MAP3K5: variants seen among roughly 807,000 people sequenced by gnomAD.
MAP3K5 encodes mitogen-activated protein kinase kinase kinase 5, also known as ASK-1.
MAP3K5 carries 56 observed loss-of-function variants against 158.7 expected under a neutral mutation model. The observed-to-expected ratio is 0.35, with a 90% CI of 0.28 to 0.44. MAP3K5 has a LOEUF of 0.44. Among genes scored for constraint, MAP3K5 ranks in the 20% least tolerant of loss-of-function variants. The pLI, the probability that MAP3K5 is intolerant of heterozygous loss-of-function variation, is 1.00. For missense variants in MAP3K5, 1,294 were observed against 1,674.8 expected, an observed-to-expected ratio of 0.77 and a Z score of 3.97; for synonymous variants, 579 against 601.7, an observed-to-expected ratio of 0.96 and a Z score of 0.55.
intron 25 of MAP3K5, among the ~76,000 whole-genome samples, chr6:136,569,142 G>A (rs1477636449): frequency 6.6e-6 from 1 of 152,116 alleles, no homozygotes; most frequent in Non-Finnish European, 1.5e-5. Context: ...ATTCCAACCT[G>A]ACTCTAGTAT....
intron 13 of MAP3K5, among the ~76,000 whole-genome samples, chr6:136,639,115 G>A (rs1016632878): frequency 1.1e-4 from 17 of 152,044 alleles, no homozygotes; most frequent in Admixed American, 4.6e-4. Flanking sequence ...TCTGAGGTGG[G>A]GGCCATGCAT....
In MAP3K5 at chr6:136,612,990, T is replaced by C. The variant is rs921564077; in HGVS notation, c.2415+130A>G. On this transcript the variant is annotated intron_variant, in intron 17 of 29. Coordinates refer to ENST00000359015, the MANE Select transcript of MAP3K5 (RefSeq NM_005923.4). The stretch of plus-strand genomic sequence containing the variant: ...ATTCAGGGTTGAACGATATTTTATA[T>C]TTCTGCTGTTTCTAAGATTTACTTA... 2.7e-5 allele frequency: 23 copies of C among 845,116 alleles called. No individual in the cohort carries two copies. In the African/African-American group the frequency reaches 3.1e-4, roughly 11 times the overall value. The allele number at this position is 845,116 out of a possible 1,614,324, so 52.4% of individuals were successfully genotyped here. A position where few individuals can be genotyped will look rare whatever the true frequency, so the allele number is the denominator to read the frequency against.
At chr6:136,702,068 G>T (rs565471213) in intron 3 of MAP3K5, among the ~76,000 whole-genome samples, 81 of 152,254 alleles carry the variant, frequency 5.3e-4, no homozygotes, top group African/African-American at 1.9e-3. Context: ...AAACCCCATG[G>T]TATAAGGCTT....
chr6:136,750,585 C>T (rs892599094), intron 1 of MAP3K5, among the ~76,000 whole-genome samples: 3 of 152,104 alleles, frequency 2.0e-5, no homozygotes, highest in Admixed American at 6.5e-5. Context: ...GTCAAATTAC[C>T]GTTTCGACAA....
At chr6:136,579,117 CAT>C (rs1217621781) in intron 25 of MAP3K5, among the ~76,000 whole-genome samples, 6 of 151,836 alleles carry the variant, frequency 4.0e-5, no homozygotes, top group Non-Finnish European at 5.9e-5. Flanking sequence ...TACAATAGAA[CAT>C]GTTTCTAATT....
intron 1 of MAP3K5, among the ~76,000 whole-genome samples, chr6:136,726,029 T>A (rs918231258): frequency 6.6e-6 from 1 of 152,258 alleles, no homozygotes; most frequent in East Asian, 1.9e-4. Context: ...GTTTATCTTT[T>A]GTCAACACAA....
intron 7 of MAP3K5, among the ~76,000 whole-genome samples, chr6:136,688,729 C>T (rs1321668617): frequency 2.0e-5 from 3 of 152,136 alleles, no homozygotes; most frequent in African/African-American, 4.8e-5. Flanking sequence ...ATTTTGTTTT[C>T]AAATGGAAAA....
rs566678194 is a variant in MAP3K5 at position 136,629,733 on chromosome 6, T to C, written c.2017-6752A>G. ...TCTCCCAAAGTGCTGAGATTACAGG[T>C]GTGAGCCATGGCGCCCGGCCATATC... On this transcript the variant is annotated intron_variant, in intron 14 of 29. Transcript: ENST00000359015. 4.0e-5 allele frequency among the ~76,000 whole-genome samples: 6 copies of C among 151,266 alleles called. No individual in the cohort carries two copies. In the East Asian group the frequency reaches 1.2e-3, roughly 30 times the overall value.
chr6:136,585,009 T>C (rs1775055210), intron 23 of MAP3K5, among the ~76,000 whole-genome samples: 2 of 152,188 alleles, frequency 1.3e-5, no homozygotes, highest in African/African-American at 2.4e-5. Flanking sequence ...AATGAAGCAA[T>C]TGCTTCTAAG....
upstream of MAP3K5, chr6:136,792,518 G>T: frequency 2.9e-6 from 1 of 339,840 alleles, no homozygotes; most frequent in South Asian, 1.2e-4. This position sits in a 1 kb window ranked among gnomAD's most constrained non-coding sequence, Gnocchi z 5.7. Flanking sequence ...CGCCGCGCTC[G>T]GGGTGCAGCC....
intron 8 of MAP3K5, among the ~76,000 whole-genome samples, chr6:136,664,670 C>A (rs1202550557): frequency 6.6e-6 from 1 of 152,182 alleles, no homozygotes; most frequent in Non-Finnish European, 1.5e-5. Context: ...AGTTGCTGTA[C>A]ACTCGGCCGG....
At chr6:136,775,341 T>C (rs1231334642) in intron 1 of MAP3K5, among the ~76,000 whole-genome samples, 1 of 152,076 alleles carries the variant, frequency 6.6e-6, no homozygotes, top group Non-Finnish European at 1.5e-5. Flanking sequence ...CAATGACAAG[T>C]CTTGAAAAAA....
chr6:136,669,630 C>CG (rs1250917264), intron 7 of MAP3K5, among the ~76,000 whole-genome samples: 4 of 136,654 alleles, frequency 2.9e-5, no homozygotes, highest in Non-Finnish European at 3.2e-5. Context: ...TAACCCTAGT[C>CG]TTTAAAAAAA....
intron 2 of MAP3K5, among the ~76,000 whole-genome samples, chr6:136,712,355 G>T (rs1781344650): frequency 6.6e-6 from 1 of 151,182 alleles, no homozygotes; most frequent in African/African-American, 2.5e-5. Context: ...GCTAATTTTT[G>T]TAGAAACTGG....
intron 2 of MAP3K5, among the ~76,000 whole-genome samples, chr6:136,707,549 G>T (rs1173787359): frequency 6.8e-6 from 1 of 147,296 alleles, no homozygotes; most frequent in Non-Finnish European, 1.5e-5. Context: ...GTGAATTAAA[G>T]AGGTACTTGG....
intron 2 of MAP3K5, among the ~76,000 whole-genome samples, chr6:136,709,804 C>T (rs1781232924): frequency 6.6e-6 from 1 of 152,140 alleles, no homozygotes; most frequent in African/African-American, 2.4e-5. Flanking sequence ...TGATGGTGTG[C>T]ACCTGTAATC....
intron 21 of MAP3K5, among the ~76,000 whole-genome samples, chr6:136,597,283 G>A (rs775120709): frequency 1.3e-5 from 2 of 152,170 alleles, no homozygotes; most frequent in Non-Finnish European, 2.9e-5. Context: ...AGATTGCTGG[G>A]AGCTCCCATC....
At chr6:136,618,850 A>G (rs1776681220) in intron 15 of MAP3K5, among the ~76,000 whole-genome samples, 1 of 152,248 alleles carries the variant, frequency 6.6e-6, no homozygotes, top group Non-Finnish European at 1.5e-5. Flanking sequence ...ATGAAACTAC[A>G]CATGCGGCAG....
intron 24 of MAP3K5, among the ~76,000 whole-genome samples, chr6:136,582,336 C>T (rs1231195880): frequency 1.3e-5 from 2 of 150,682 alleles, no homozygotes; most frequent in East Asian, 3.9e-4. Context: ...CCCAGGAGTA[C>T]AACCCAATAG....
Sources: gnomAD v4.1 joint callset for allele counts (sites outside exome capture counted in the v4.1 genomes callset) on GRCh38, gnomAD v4.1.1 for gene constraint, Gnocchi (gnomAD v3.1) non-coding constraint, MANE v1.5 for transcripts, NCBI Gene and HGNC (gene_info 2026-07-23, HGNC 2026-07-21) for gene names.